SUGCT: variants seen among roughly 807,000 people sequenced by gnomAD.
SUGCT encodes the protein succinyl-CoA:glutarate-CoA transferase.
Under a neutral mutation model 55.0 loss-of-function variants are expected in SUGCT, and 41 were observed. That is an observed-to-expected ratio of 0.74 (90% CI 0.58 to 0.97). SUGCT has a LOEUF of 0.97. Among genes scored for constraint, SUGCT ranks in the 50% least tolerant of loss-of-function variants. The pLI is 0.00. For missense variants in SUGCT, 568 were observed against 547.8 expected, an observed-to-expected ratio of 1.04 and a Z score of -0.37; for synonymous variants, 187 against 200.4, an observed-to-expected ratio of 0.93 and a Z score of 0.56.
At chr7:40,480,410 AT>A (rs1790963501) in intron 11 of SUGCT, among the ~76,000 whole-genome samples, 1 of 151,850 alleles carries the variant, frequency 6.6e-6, no homozygotes, top group African/African-American at 2.4e-5. Flanking sequence ...CATTGTTTTG[AT>A]TTTTTGTAGT....
At chr7:40,649,434 G>T (rs1221185538) in intron 12 of SUGCT, among the ~76,000 whole-genome samples, 3 of 151,952 alleles carry the variant, frequency 2.0e-5, no homozygotes, top group African/African-American at 4.8e-5. Flanking sequence ...TATGTAACTT[G>T]CCCTAAGTTA....
intron 1 of SUGCT, among the ~76,000 whole-genome samples, chr7:40,162,478 G>A (rs575186472): frequency 1.3e-5 from 2 of 151,888 alleles, no homozygotes; most frequent in Non-Finnish European, 2.9e-5. Flanking sequence ...CCTTAGGCAA[G>A]TATTTTCCTT....
the SUGCT span, among the ~76,000 whole-genome samples, chr7:40,884,894 A>G: frequency 8.5e-5 from 13 of 152,264 alleles, no homozygotes; most frequent in African/African-American, 2.9e-4. Flanking sequence ...TTCATCTGTC[A>G]TAGTGGTTAA....
At chr7:40,878,950 C>T in the SUGCT span, among the ~76,000 whole-genome samples, 3 of 152,008 alleles carry the variant, frequency 2.0e-5, no homozygotes, top group Admixed American at 1.3e-4. Context: ...CCCGCCACCA[C>T]GCCCGGCTAA....
chr7:41,015,814 C>T, the SUGCT span, among the ~76,000 whole-genome samples: 3 of 152,302 alleles, frequency 2.0e-5, no homozygotes, highest in East Asian at 3.9e-4. Flanking sequence ...AGACCATTAA[C>T]ATATATCCCC....
the SUGCT span, among the ~76,000 whole-genome samples, chr7:40,938,984 C>A: frequency 6.6e-6 from 1 of 152,166 alleles, no homozygotes; most frequent in Non-Finnish European, 1.5e-5. Flanking sequence ...TAAACATATT[C>A]ATGCAGGTGT....
At chr7:40,751,715 T>C (rs1169949893) in intron 13 of SUGCT, among the ~76,000 whole-genome samples, 1 of 152,180 alleles carries the variant, frequency 6.6e-6, no homozygotes, top group Non-Finnish European at 1.5e-5. Flanking sequence ...GAAGAACCAG[T>C]GATCACTTAA....
chr7:40,745,026 A>G (rs2128707765), intron 12 of SUGCT, among the ~76,000 whole-genome samples: 1 of 152,334 alleles, frequency 6.6e-6, no homozygotes, highest in Non-Finnish European at 1.5e-5. Flanking sequence ...TCTTCTAATT[A>G]CATACATTTT....
At chr7:40,569,811 A>G (rs550395507) in intron 12 of SUGCT, among the ~76,000 whole-genome samples, 1 of 152,252 alleles carries the variant, frequency 6.6e-6, no homozygotes, top group African/African-American at 2.4e-5. Context: ...GATGATAATC[A>G]TTGCATTAAA....
At chr7:40,242,931 ATATTTTTTT>A (rs1316791057) in intron 7 of SUGCT, among the ~76,000 whole-genome samples, 5 of 21,078 alleles carry the variant, frequency 2.4e-4, no homozygotes, top group African/African-American at 7.6e-4. Flanking sequence ...ATATATATAT[ATATTTTTTT>A]TTTTTTTTTT....
At chr7:40,207,439 G>T (rs1787037083) in intron 6 of SUGCT, among the ~76,000 whole-genome samples, 1 of 152,178 alleles carries the variant, frequency 6.6e-6, no homozygotes, top group Admixed American at 6.6e-5. Flanking sequence ...AGGATACAGA[G>T]AAATTGGTAC....
intron 13 of SUGCT, among the ~76,000 whole-genome samples, chr7:40,769,240 G>A (rs1362257978): frequency 6.6e-6 from 1 of 152,148 alleles, no homozygotes; most frequent in Non-Finnish European, 1.5e-5. Context: ...GACTTAAGTG[G>A]CTTTTAAGGT....
At chr7:40,161,579 A>C (rs1030712493) in intron 1 of SUGCT, among the ~76,000 whole-genome samples, 70 of 152,370 alleles carry the variant, frequency 4.6e-4, no homozygotes, top group African/African-American at 1.6e-3. Context: ...TTTGCACTAA[A>C]GTCTTCCTTT....
chr7:40,576,004 T>C (rs1163567594), intron 12 of SUGCT, among the ~76,000 whole-genome samples: 1 of 151,840 alleles, frequency 6.6e-6, no homozygotes, highest in East Asian at 1.9e-4. Context: ...GTTTCTCCCA[T>C]GTTGTAAAAA....
chr7:40,568,852 T>C (rs937590985), intron 12 of SUGCT, among the ~76,000 whole-genome samples: 3 of 152,340 alleles, frequency 2.0e-5, no homozygotes, highest in East Asian at 1.9e-4. Flanking sequence ...AGGAGCAACA[T>C]TGAAGCTAAG....
chr7:40,159,073 G>C (rs1283750424), intron 1 of SUGCT, among the ~76,000 whole-genome samples: 10 of 152,170 alleles, frequency 6.6e-5, no homozygotes, highest in Non-Finnish European at 7.4e-5. Context: ...GTGCCACCAG[G>C]CTTGACTAAT....
chr7:40,664,759 TCA>T (rs1469656064), intron 12 of SUGCT, among the ~76,000 whole-genome samples: 1 of 152,042 alleles, frequency 6.6e-6, no homozygotes, highest in African/African-American at 2.4e-5. Flanking sequence ...GGCGGGCAGA[TCA>T]CGAGGTCAGG....
intron 13 of SUGCT, among the ~76,000 whole-genome samples, chr7:40,842,613 G>C (rs1362422265): frequency 6.6e-6 from 1 of 152,142 alleles, no homozygotes; most frequent in African/African-American, 2.4e-5. Flanking sequence ...TATTTATTGA[G>C]CATGTTAATT....
At chr7:40,239,450 T>C (rs912611221) in intron 7 of SUGCT, among the ~76,000 whole-genome samples, 10 of 152,188 alleles carry the variant, frequency 6.6e-5, no homozygotes, top group Non-Finnish European at 1.0e-4. Context: ...ATTTCTCTCA[T>C]TGCTCAATTC....
Sources: gnomAD v4.1 joint callset for allele counts (sites outside exome capture counted in the v4.1 genomes callset) on GRCh38, gnomAD v4.1.1 for gene constraint, MANE v1.5 for transcripts, NCBI Gene and HGNC (gene_info 2026-07-23, HGNC 2026-07-21) for gene names.